RNF111: variants seen among roughly 807,000 people sequenced by gnomAD.
RNF111 encodes E3 ubiquitin-protein ligase Arkadia.
A neutral mutation model predicts 95.1 loss-of-function variants in RNF111; 17 were observed. The observed-to-expected ratio is 0.18, with a 90% CI of 0.12 to 0.27. RNF111 has a LOEUF of 0.27. RNF111 is among the 10% of genes least tolerant of loss of function. The pLI is 1.00. For missense variants in RNF111, 1,189 were observed against 1,210.4 expected (o/e 0.98, Z 0.26); for synonymous variants, 440 against 414.8 (o/e 1.06, Z -0.74).
chr15:59,083,532 C>T (rs1243391164), intron 8 of RNF111, among the ~76,000 whole-genome samples: 3 of 146,202 alleles, frequency 2.1e-5, no homozygotes, highest in Admixed American at 6.7e-5. Flanking sequence ...TAGACTTCCT[C>T]TCCAAAAAAA....
chr15:58,994,473 C>CTTTTTT (rs35787227), intron 1 of RNF111, among the ~76,000 whole-genome samples: 8 of 69,522 alleles, frequency 1.2e-4, no homozygotes, highest in African/African-American at 2.2e-4. Flanking sequence ...TTTTCTCTCT[C>CTTTTTT]TTTTTTTTTT....
At chr15:59,074,940 C>CAGGGAAT (rs2043104007) in intron 6 of RNF111, among the ~76,000 whole-genome samples, 1 of 152,172 alleles carries the variant, frequency 6.6e-6, no homozygotes, top group African/African-American at 2.4e-5. Context: ...TGTTGTGTCT[C>CAGGGAAT]AGGGAATAGG....
At position 59,007,267 on chromosome 15, in the gene RNF111, A is replaced by ATT. The variant is rs796816598; in HGVS notation, c.-20+19214_-20+19215dup. ...CCCTTGAAGACACAACCAATGTTCAATTTTTTTTTTTTTTTTACTTTAGGT... is the reference window on the plus strand; with the variant it reads ...CCCTTGAAGACACAACCAATGTTCAATTTTTTTTTTTTTTTTTTACTTTAGGT... On this transcript the variant is annotated intron_variant, in intron 1 of 13. Transcript: ENST00000348370. Among the ~76,000 whole-genome samples the ATT allele has an allele frequency of 1.5e-3, 220 of 143,552 alleles. 1 individual carries two copies. Among genetic ancestry groups the ATT allele is most frequent in the African/African-American group, 4.8e-3 (189 of 39,324 alleles). 94.2% of individuals were successfully genotyped at this position (143,552 alleles called of 152,430 possible).
intron 1 of RNF111, among the ~76,000 whole-genome samples, chr15:59,027,766 C>T (rs1230643912): frequency 1.3e-5 from 2 of 151,470 alleles, no homozygotes; most frequent in African/African-American, 4.8e-5. Flanking sequence ...CTCCTAACCT[C>T]AGGTGATCCA....
intron 6 of RNF111, among the ~76,000 whole-genome samples, chr15:59,068,345 G>A (rs1280797763): frequency 1.3e-5 from 2 of 152,230 alleles, no homozygotes; most frequent in Non-Finnish European, 1.5e-5. Flanking sequence ...GGTGGCTCAC[G>A]CCTGTAATTC....
intron 6 of RNF111, among the ~76,000 whole-genome samples, chr15:59,070,253 C>T (rs968093672): frequency 4.6e-5 from 7 of 151,782 alleles, no homozygotes; most frequent in Admixed American, 1.3e-4. Context: ...TCTTGCTTAC[C>T]CTTGATTGTC....
intron 1 of RNF111, among the ~76,000 whole-genome samples, chr15:59,014,033 C>T (rs1389473531): frequency 1.3e-5 from 2 of 152,136 alleles, no homozygotes; most frequent in South Asian, 2.1e-4. Flanking sequence ...TTAGGCAATC[C>T]GCCTTCCATG....
chr15:59,040,255 A>G (rs1212670835), intron 2 of RNF111, among the ~76,000 whole-genome samples: 1 of 152,116 alleles, frequency 6.6e-6, no homozygotes, highest in Non-Finnish European at 1.5e-5. Flanking sequence ...ACTTGGGACT[A>G]CAGCACATGC....
intron 5 of RNF111, among the ~76,000 whole-genome samples, chr15:59,060,671 A>G (rs1441695875): frequency 1.3e-5 from 2 of 152,136 alleles, no homozygotes; most frequent in Admixed American, 1.3e-4. Flanking sequence ...TTCTCTTACC[A>G]TTTCAGAAAT....
At chr15:59,079,914 T>C (rs191949197) in intron 7 of RNF111, among the ~76,000 whole-genome samples, 2 of 152,200 alleles carry the variant, frequency 1.3e-5, no homozygotes, top group Admixed American at 1.3e-4. Flanking sequence ...TTACACCCTA[T>C]TATGACAGAG....
At chr15:58,991,102 G>A (rs1360365740) in intron 1 of RNF111, among the ~76,000 whole-genome samples, 2 of 151,990 alleles carry the variant, frequency 1.3e-5, no homozygotes, top group Admixed American at 6.6e-5. Flanking sequence ...GAGCAGCCAG[G>A]CCAACATGGT....
At chr15:59,058,093 C>T (rs1227282139) in intron 4 of RNF111, among the ~76,000 whole-genome samples, 3 of 152,086 alleles carry the variant, frequency 2.0e-5, no homozygotes, top group African/African-American at 7.2e-5. Context: ...TTAGAAGCTA[C>T]CTGAAAAACT....
rs929430544 is a variant in RNF111 at position 59,062,054 on chromosome 15, T to C, written c.1366+3504T>C. The stretch of plus-strand genomic sequence containing the variant: ...CCACTATATTTGTTTTAAACTTCTT[T>C]TTTTTTTTTTTTTTTTCCCCGAGAC... On this transcript the variant is annotated intron_variant, in intron 5 of 13. Transcript: ENST00000348370. Among the ~76,000 whole-genome samples the C allele has an allele frequency of 1.6e-4, 24 of 148,798 alleles. 1 individual carries two copies. The highest frequency in any genetic ancestry group is 8.7e-4 in the Admixed American group (13 of 14,928).
intron 6 of RNF111, among the ~76,000 whole-genome samples, chr15:59,073,174 A>C (rs1173148818): frequency 8.5e-5 from 13 of 152,134 alleles, no homozygotes; most frequent in African/African-American, 2.9e-4. Context: ...CCTTGTCTCA[A>C]AAGTAAATAA....
At chr15:58,991,690 T>C (rs2038825373) in intron 1 of RNF111, among the ~76,000 whole-genome samples, 1 of 152,194 alleles carries the variant, frequency 6.6e-6, no homozygotes, top group South Asian at 2.1e-4. Flanking sequence ...GCAAATGCAT[T>C]AGGTGAGGTT....
At chr15:59,000,280 C>A (rs2039267774) in intron 1 of RNF111, among the ~76,000 whole-genome samples, 1 of 151,342 alleles carries the variant, frequency 6.6e-6, no homozygotes, top group Non-Finnish European at 1.5e-5. Flanking sequence ...CCTCCCACTT[C>A]AGCCTCCCAA....
chr15:59,085,834 T>C (rs774005627), intron 10 of RNF111, 49 bp downstream of exon 10: 22 of 1,527,170 alleles, frequency 1.4e-5, no homozygotes, highest in Middle Eastern at 1.8e-4. Context: ...AAGTTCCTTT[T>C]CTAAGTATTT....
chr15:59,053,851 G>C (rs2042094207), intron 3 of RNF111, among the ~76,000 whole-genome samples: 1 of 148,552 alleles, frequency 6.7e-6, no homozygotes. Context: ...CAGTGTACAT[G>C]ACCCATTGTT....
intron 7 of RNF111, 56 bp downstream of exon 7, chr15:59,076,271 T>G: frequency 3.8e-6 from 6 of 1,561,504 alleles, no homozygotes; most frequent in Non-Finnish European, 5.2e-6. Context: ...AAGCATTTTG[T>G]ACTTCCTTAT....
Sources: allele counts gnomAD v4.1 joint callset (sites outside exome capture counted in the v4.1 genomes callset), GRCh38; gene constraint gnomAD v4.1.1; transcripts MANE v1.5; gene names NCBI Gene and HGNC (gene_info 2026-07-23, HGNC 2026-07-21).